Variants in TPO observed in about 807,000 individuals in gnomAD.
TPO encodes the protein thyroid peroxidase.
In TPO, 78 loss-of-function variants were observed where a neutral mutation model predicts 96.9. The observed-to-expected ratio is 0.81, with a 90% CI of 0.67 to 0.97. The LOEUF is 0.97. Among genes scored for constraint, TPO ranks in the 50% least tolerant of loss-of-function variants. TPO has a pLI of 0.00. For synonymous variants in TPO, 547 were observed against 538.0 expected (o/e 1.02, Z -0.23); for missense variants, 1,252 against 1,274.8 (o/e 0.98, Z 0.27).
chr2:1,531,553 G>A (rs1256394870), intron 15 of TPO, among the ~76,000 whole-genome samples: 5 of 83,638 alleles, frequency 6.0e-5, no homozygotes, highest in Admixed American at 5.4e-4. Context: ...CCCACTCTGT[G>A]CAAACTCCCC....
intron 15 of TPO, among the ~76,000 whole-genome samples, chr2:1,528,039 T>G (rs1456886724): frequency 8.0e-6 from 1 of 124,626 alleles, no homozygotes; most frequent in Non-Finnish European, 1.6e-5. Flanking sequence ...ATGTGCAACC[T>G]CCTCAAATCT....
chr2:1,460,377 C>G (rs1203264190), intron 7 of TPO, among the ~76,000 whole-genome samples: 1 of 152,148 alleles, frequency 6.6e-6, no homozygotes, highest in Non-Finnish European at 1.5e-5. Flanking sequence ...AGTGGCTCCC[C>G]AGCAGAATCT....
intron 4 of TPO, among the ~76,000 whole-genome samples, chr2:1,435,642 C>G (rs1665491943): frequency 6.6e-6 from 1 of 151,850 alleles, no homozygotes; most frequent in Non-Finnish European, 1.5e-5. Context: ...TGTTGAATAA[C>G]ATATAAATTA....
intron 1 of TPO, 28 bp from the exon 2 acceptor site, chr2:1,414,380 A>G (rs780565025): frequency 1.9e-6 from 3 of 1,603,484 alleles, no homozygotes; most frequent in South Asian, 1.1e-5. Flanking sequence ...GCTTGATTAC[A>G]TACTCTGTCT....
At chr2:1,486,536 GAAAATAAAAT>G (rs779962249) in intron 9 of TPO, among the ~76,000 whole-genome samples, 4 of 151,860 alleles carry the variant, frequency 2.6e-5, no homozygotes, top group Non-Finnish European at 4.4e-5. Context: ...AACTCCATTT[GAAAATAAAAT>G]AAAATAAAAT....
intron 5 of TPO, among the ~76,000 whole-genome samples, chr2:1,439,753 C>T (rs571351711): frequency 6.6e-6 from 1 of 152,212 alleles, no homozygotes; most frequent in East Asian, 1.9e-4. Context: ...ACATGGAGAC[C>T]CTCTGATGCC....
chr2:1,427,867 C>G (rs968017924), intron 3 of TPO, among the ~76,000 whole-genome samples: 2 of 152,120 alleles, frequency 1.3e-5, no homozygotes, highest in African/African-American at 4.8e-5. Flanking sequence ...ATATCTGCAT[C>G]TAGATTGGTG....
chr2:1,530,602 C>G (rs1199113635), intron 15 of TPO, among the ~76,000 whole-genome samples: 2 of 102,116 alleles, frequency 2.0e-5, no homozygotes, highest in Non-Finnish European at 3.8e-5. Context: ...CCCAAATCCC[C>G]CACACTCTGT....
chr2:1,410,141 A>C (rs1662309703), upstream of TPO, among the ~76,000 whole-genome samples: 1 of 152,240 alleles, frequency 6.6e-6, no homozygotes, highest in Non-Finnish European at 1.5e-5. Flanking sequence ...TATCACACAC[A>C]CAAAAGGATG....
chr2:1,449,862 T>C (rs955578277), intron 5 of TPO, among the ~76,000 whole-genome samples: 2 of 152,200 alleles, frequency 1.3e-5, no homozygotes, highest in Admixed American at 6.5e-5. Context: ...AGGGTTCAAA[T>C]GTCCCTCAGG....
chr2:1,527,020 T>TGCAACCTCCTCAAATCCCCCCACTGTGA (rs1676707398), intron 15 of TPO, among the ~76,000 whole-genome samples: 1 of 82,430 alleles, frequency 1.2e-5, no homozygotes, highest in African/African-American at 5.3e-5. Context: ...CCCCACTGTG[T>TGCAACCTCCTCAAATCCCCCCACTGTGA]GCAACCTCCT....
intron 15 of TPO, among the ~76,000 whole-genome samples, chr2:1,538,542 A>G (rs757816963): frequency 2.6e-5 from 4 of 152,236 alleles, no homozygotes; most frequent in Non-Finnish European, 5.9e-5. Context: ...TTATAAAACA[A>G]TGGTGAACAG....
chr2:1,496,536 G>A, intron 12 of TPO, 59 bp from the exon 13 acceptor site: 1 of 1,608,540 alleles, frequency 6.2e-7, no homozygotes, highest in African/African-American at 1.3e-5. Context: ...CAGGGACGTT[G>A]GTGTGTGGTT....
At position 1,496,646 on chromosome 2, in the gene TPO, G is replaced by GT. The variant is rs770781635; in HGVS notation, c.2268dup (p.Glu757Ter). 2.1e-5 allele frequency: 34 copies of GT among 1,614,006 alleles called. No individual in the cohort carries two copies. In the East Asian group the frequency reaches 7.1e-4, roughly 34 times the overall value. On this transcript the variant is annotated frameshift_variant, in exon 13 of 17. Transcript: ENST00000329066. LOFTEE classifies it high-confidence loss of function. Reference sequence around the variant, plus strand: ...GTGGAGAATGGGGACTTTGTGCACTGTGAGGAGTCTGGGAGGCGCGTGCTG... The same window carrying GT: ...GTGGAGAATGGGGACTTTGTGCACTGTTGAGGAGTCTGGGAGGCGCGTGCTG...
At chr2:1,389,968 A>G (rs1411040409) in intron 1 of TPO, among the ~76,000 whole-genome samples, 1 of 145,280 alleles carries the variant, frequency 6.9e-6, no homozygotes, top group African/African-American at 2.5e-5. Context: ...CTGGTTTTTT[A>G]CTGTGGTGTC....
At chr2:1,478,494 C>A (rs982816805) in intron 8 of TPO, among the ~76,000 whole-genome samples, 29 of 152,240 alleles carry the variant, frequency 1.9e-4, no homozygotes, top group Non-Finnish European at 3.7e-4. Context: ...TGCCCCCGGG[C>A]ACCATGCGCC....
intron 3 of TPO, among the ~76,000 whole-genome samples, chr2:1,428,522 A>G (rs1664656989): frequency 6.6e-6 from 1 of 152,160 alleles, no homozygotes; most frequent in South Asian, 2.1e-4. Context: ...CGTCACTGTC[A>G]AGAGCTGAGC....
intron 15 of TPO, among the ~76,000 whole-genome samples, chr2:1,522,371 G>T (rs368175728): frequency 9.5e-6 from 1 of 105,562 alleles, no homozygotes; most frequent in East Asian, 2.8e-4. Flanking sequence ...ACACCGGCCC[G>T]CCACCGTGCC....
intron 2 of TPO, among the ~76,000 whole-genome samples, chr2:1,416,309 TTTG>T (rs1415936091): frequency 6.6e-6 from 1 of 152,248 alleles, no homozygotes; most frequent in Non-Finnish European, 1.5e-5. Context: ...AATTAATTAC[TTTG>T]TTATTTTATT....
Sources: gnomAD v4.1 joint callset for allele counts (sites outside exome capture counted in the v4.1 genomes callset) on GRCh38, gnomAD v4.1.1 for gene constraint, MANE v1.5 for transcripts, NCBI Gene and HGNC (gene_info 2026-07-23, HGNC 2026-07-21) for gene names.